Variants in ATP4A observed in about 807,000 individuals in gnomAD.
ATP4A encodes potassium-transporting ATPase alpha chain 1.
ATP4A carries 73 observed loss-of-function variants against 112.1 expected under a neutral mutation model. That is an observed-to-expected ratio of 0.65 (90% confidence interval 0.54 to 0.79). ATP4A has a LOEUF of 0.79. ATP4A is among the 30% of genes least tolerant of loss of function. The pLI is 0.00. For synonymous variants in ATP4A, 588 were observed against 588.9 expected (o/e 1.00, Z 0.02); for missense variants, 1,081 against 1,425.9 (o/e 0.76, Z 3.90).
intron 12 of ATP4A, among the ~76,000 whole-genome samples, chr19:35,556,334 G>A (rs943045048): frequency 2.4e-4 from 37 of 152,182 alleles, no homozygotes; most frequent in African/African-American, 7.5e-4. Flanking sequence ...AACAAGGCCC[G>A]ATGTAACAGG....
Position 35,558,634 on chromosome 19 carries a change from G to A in ATP4A, c.1308C>T (p.Leu436=), listed in dbSNP as rs747258565. ...TGAAGGCGGCGCGGTTGCACAGGGT[G>A]AGCACCCGGCACAGCGCCCGCCACG... ...SETWRALCRV[L]TLCNRAAFKS... is the part of the protein sequence containing the mutation. Residue 436 remains leucine, a synonymous_variant, in exon 9 of 22, where the codon CTC becomes CTT. Transcript: ENST00000262623. The surrounding 1 kb of genome is among the most constrained non-coding windows in gnomAD (Gnocchi z 5.1). 2 of 1,598,746 alleles carry A rather than the reference G, an allele frequency of 1.3e-6. No homozygotes were observed. Among genetic ancestry groups the A allele is most frequent in the South Asian group, 1.1e-5 (1 of 88,410 alleles).
intron 17 of ATP4A, among the ~76,000 whole-genome samples, 155 bp from the exon 18 acceptor site, chr19:35,553,337 A>C (rs941498249): frequency 6.6e-6 from 1 of 152,064 alleles, no homozygotes. Flanking sequence ...CAGATACACA[A>C]GGTCAAGGAC....
rs751353823 is a variant in ATP4A at position 35,559,186 on chromosome 19, G to A, written c.1062C>T (p.Cys354=). The A allele has an allele frequency of 9.3e-6, 15 of 1,613,840 alleles. No individual in the cohort carries two copies. Among genetic ancestry groups the A allele is most frequent in the South Asian group, 3.3e-5 (3 of 91,080 alleles). ...PEGLLATVTV[C]LSLTAKRLAS... ...CCAGGCGCTTGGCTGTCAGGGACAG[G>A]CAGACCTGGGGAAGGGGTGAGCACC... The change falls in exon 8 of 22, where the codon TGC becomes TGT. Residue 354 remains cysteine, a synonymous_variant. Transcript: ENST00000262623. This position sits in a 1 kb window ranked among gnomAD's most constrained non-coding sequence, Gnocchi z 4.1.
In ATP4A at chr19:35,560,658, G is replaced by T; in HGVS notation, c.535-43C>A. ...CAAAGTTGAGGTGGACGGGGGTGGG[G>T]GTGGGAGCTGCTGCATGTGGGGAGG... On this transcript the variant is annotated intron_variant, in intron 5 of 21. Transcript: ENST00000262623. The surrounding 1 kb of genome is among the most constrained non-coding windows in gnomAD (Gnocchi z 5.1). The T allele has an allele frequency of 2.6e-6, 4 of 1,560,482 alleles. No individual in the cohort carries two copies. Among genetic ancestry groups the T allele is most frequent in the South Asian group, 1.1e-5 (1 of 88,468 alleles).
intron 17 of ATP4A, 38 bp downstream of exon 17, chr19:35,553,667 GC>G (rs750451306): frequency 6.2e-7 from 1 of 1,608,688 alleles, no homozygotes; most frequent in Non-Finnish European, 8.5e-7. Context: ...CCAGCGCAGA[GC>G]CCCCCACCTC....
chr19:35,553,989 C>T (rs1486705975), intron 16 of ATP4A, 160 bp from the exon 17 acceptor site: 2 of 999,868 alleles, frequency 2.0e-6, no homozygotes, highest in Non-Finnish European at 2.8e-6. Flanking sequence ...ACAGCCTGGG[C>T]CCCACTGGCC....
At position 35,553,152 on chromosome 19, in the gene ATP4A, T is replaced by G; in HGVS notation, c.2636A>C (p.Asp879Ala). The G allele has an allele frequency of 3.7e-6, 6 of 1,604,532 alleles. No individual in the cohort carries two copies. The highest frequency in any genetic ancestry group is 5.1e-6 in the Non-Finnish European group (6 of 1,172,280). ...GAIQSFAGFT[D>A]YFTAMAQEGW... Reference sequence around the variant, plus strand: ...CTCCTGGGCCATTGCCGTGAAGTAGTCAGTGAAGCCAGCAAAGGACTGAAT... The same window carrying G: ...CTCCTGGGCCATTGCCGTGAAGTAGGCAGTGAAGCCAGCAAAGGACTGAAT... Residue 879 changes from aspartate (D) to alanine (A), a missense_variant, in exon 18 of 22, where the codon GAC becomes GCC. Transcript: ENST00000262623.
Position 35,550,423 on chromosome 19 carries a change from C to G in ATP4A, c.*192G>C. On this transcript the variant is annotated 3_prime_UTR_variant, in exon 22 of 22. Coordinates refer to ENST00000262623, the MANE Select transcript of ATP4A (RefSeq NM_000704.3). This position sits in a 1 kb window ranked among gnomAD's most constrained non-coding sequence, Gnocchi z 4.1. The stretch of plus-strand genomic sequence containing the variant: ...CCAGGCGCTGCTGCTCCAGGAGGTG[C>G]GAACCTTGGGAATGGGGGAGGGGAG... 1.4e-6 allele frequency: 1 copy of G among 715,136 alleles called. No homozygotes were observed. The highest frequency in any genetic ancestry group is 1.8e-5 in the South Asian group (1 of 54,392). The allele number at this position is 715,136 out of a possible 1,614,324, so 44.3% of individuals were successfully genotyped here.
In ATP4A at chr19:35,553,591, C is replaced by G. The variant is rs149013321; in HGVS notation, c.2605+115G>C. The stretch of plus-strand genomic sequence containing the variant: ...ACGGAGGACAACGGAGACCCAGGAC[C>G]AAATGCAGACACTGAGGTCCAGAAC... On this transcript the variant is annotated intron_variant, in intron 17 of 21. Coordinates refer to ENST00000262623, the MANE Select transcript of ATP4A (RefSeq NM_000704.3). 4,886 of 1,449,100 alleles carry G rather than the reference C, an allele frequency of 3.4e-3. 15 individuals carry two copies. Among genetic ancestry groups the G allele is most frequent in the Non-Finnish European group, 4.2e-3 (4,563 of 1,084,782 alleles). 89.8% of individuals were successfully genotyped at this position (1,449,100 alleles called of 1,614,324 possible).
chr19:35,558,771 G>T lies in ATP4A; in HGVS notation c.1256-85C>A. ...CCCCCTCCTCCTAGGCTCATATCGC[G>T]GGCCCCCTCCCCAGACCTGGGTGGA... is the stretch of plus-strand genomic sequence containing the variant. On this transcript the variant is annotated intron_variant, in intron 8 of 21. Transcript: ENST00000262623. The surrounding 1 kb of genome is among the most constrained non-coding windows in gnomAD (Gnocchi z 5.1). 2.1e-6 allele frequency: 3 copies of T among 1,409,532 alleles called. No individual in the cohort carries two copies. Among genetic ancestry groups the T allele is most frequent in the Non-Finnish European group, 1.9e-6 (2 of 1,054,040 alleles). The allele number at this position is 1,409,532 out of a possible 1,614,324, so 87.3% of individuals were successfully genotyped here. A position where few individuals can be genotyped will look rare whatever the true frequency, so the allele number is the denominator to read the frequency against.
At position 35,553,833 on chromosome 19, in the gene ATP4A, G is replaced by A. The variant is rs1175736599; in HGVS notation, c.2482-4C>T. 2.6e-6 allele frequency: 4 copies of A among 1,566,318 alleles called. No homozygotes were observed. The East Asian group carries it at 9.4e-5, about 37-fold the overall frequency. Reference sequence around the variant, plus strand: ...ATGCCAGGGACACAGATGGGAACTGGCCAGGAGTGGAAGGAACTGGGACTG... The same window carrying A: ...ATGCCAGGGACACAGATGGGAACTGACCAGGAGTGGAAGGAACTGGGACTG... On this transcript the variant is annotated splice_region_variant and splice_polypyrimidine_tract_variant and intron_variant, in intron 16 of 21. Coordinates refer to ENST00000262623, the MANE Select transcript of ATP4A (RefSeq NM_000704.3).
At position 35,560,490 on chromosome 19, in the gene ATP4A, C is replaced by T. The variant is rs147803462; in HGVS notation, c.660G>A (p.Gln220=). The T allele has an allele frequency of 6.2e-6, 10 of 1,613,658 alleles. No individual in the cohort carries two copies. Among genetic ancestry groups the T allele is most frequent in the Non-Finnish European group, 8.5e-6 (10 of 1,180,014 alleles). The part of the protein sequence containing the change: ...VPADIRILAA[Q]GCKVDNSSLT... ...GCGAGGAGTTGTCCACCTTGCAGCCCTGGGCCGCCAGGATGCGGATGTCGG... is the reference window on the plus strand; with the variant it reads ...GCGAGGAGTTGTCCACCTTGCAGCCTTGGGCCGCCAGGATGCGGATGTCGG... The change falls in exon 6 of 22, where the codon CAG becomes CAA. Residue 220 remains glutamine (Q), a synonymous_variant. Coordinates refer to ENST00000262623, the MANE Select transcript of ATP4A (RefSeq NM_000704.3). This position sits in a 1 kb window ranked among gnomAD's most constrained non-coding sequence, Gnocchi z 5.1.
Position 35,560,932 on chromosome 19 carries a change from G to C in ATP4A, c.421C>G (p.Leu141Val), listed in dbSNP as rs752799079. The change falls in exon 5 of 22, where the codon CTG becomes GTG. Residue 141 changes from leucine (L) to valine (V), a missense_variant and splice_region_variant. Around this residue, in one of 3 missense-constraint regions of ATP4A, gnomAD observed 850 missense variants for 1,068.2 expected, o/e 0.80. Transcript: ENST00000262623. The surrounding 1 kb of genome is among the most constrained non-coding windows in gnomAD (Gnocchi z 5.1). ...GCAATGAGAGCGATTGCCAGGTACA[G>C]CTGGGGACAGGGAAGGGGTGGGGTT... Reference protein sequence around the residue: ...SEGDLTTDDNLYLAIALIAVV... With the variant: ...SEGDLTTDDNVYLAIALIAVV... 5 of 1,613,590 alleles carry C rather than the reference G, an allele frequency of 3.1e-6. No individual in the cohort carries two copies. The African/African-American group carries it at 5.3e-5, about 17-fold the overall frequency.
chr19:35,563,279 G>A lies in ATP4A; in HGVS notation c.157-11C>T, dbSNP rs775748882. ...CAGCTGGTGGTCGTTCTGTGTGGTG[G>A]GGTGGGGCAGGGTGCTTGCTCTGGG... On this transcript the variant is annotated splice_polypyrimidine_tract_variant and intron_variant, in intron 2 of 21. Transcript: ENST00000262623. 1 of 1,613,974 alleles carries A rather than the reference G, an allele frequency of 6.2e-7. No individual in the cohort carries two copies. The highest frequency in any genetic ancestry group is 1.1e-5 in the South Asian group (1 of 91,074).
chr19:35,560,589 G>C lies in ATP4A; in HGVS notation c.561C>G (p.Asp187Glu). 1 of 1,611,536 alleles carries C rather than the reference G, an allele frequency of 6.2e-7. No individual in the cohort carries two copies. ...GTTGGTCAGCGTTGATCTGGAATTT[G>C]TCTCCATCGCGGATGACAGTGGCTT... ...PQQATVIRDG[D>E]KFQINADQLV... is the part of the protein sequence containing the mutation. The change falls in exon 6 of 22, where the codon GAC (aspartate) becomes GAG (glutamate). Residue 187 changes from aspartate (D) to glutamate (E), a missense_variant. Physicochemically the swap from Asp to Glu is conservative, Grantham distance 45. Around this residue, in one of 3 missense-constraint regions of ATP4A, gnomAD observed 850 missense variants for 1,068.2 expected, o/e 0.80. Transcript: ENST00000262623. This position sits in a 1 kb window ranked among gnomAD's most constrained non-coding sequence, Gnocchi z 5.1.
In ATP4A at chr19:35,560,922, G is replaced by A; in HGVS notation, c.431C>T (p.Ala144Val). Residue 144 changes from alanine (A) to valine (V), a missense_variant, in exon 5 of 22, where the codon GCA (alanine) becomes GTA (valine). Physicochemically the swap from Ala to Val is moderately conservative, Grantham distance 64. Coordinates refer to ENST00000262623, the MANE Select transcript of ATP4A (RefSeq NM_000704.3). The surrounding 1 kb of genome is among the most constrained non-coding windows in gnomAD (Gnocchi z 5.1). Reference sequence around the variant, plus strand: ...GACAACCACAGCAATGAGAGCGATTGCCAGGTACAGCTGGGGACAGGGAAG... The same window carrying A: ...GACAACCACAGCAATGAGAGCGATTACCAGGTACAGCTGGGGACAGGGAAG... ...DLTTDDNLYL[A>V]IALIAVVVVT... 1 of 1,613,942 alleles carries A rather than the reference G, an allele frequency of 6.2e-7. No individual in the cohort carries two copies. Among genetic ancestry groups the A allele is most frequent in the Non-Finnish European group, 8.5e-7 (1 of 1,179,910 alleles).
Position 35,558,541 on chromosome 19 carries a change from C to A in ATP4A, c.1365+36G>T. ...TCAGGGGCGAAGCCGGCTACACCAG[C>A]CTCCCGGGATTCCCTGGAGGCCCCC... is the stretch of plus-strand genomic sequence containing the variant. On this transcript the variant is annotated intron_variant, in intron 9 of 21. Coordinates refer to ENST00000262623, the MANE Select transcript of ATP4A (RefSeq NM_000704.3). The surrounding 1 kb of genome is among the most constrained non-coding windows in gnomAD (Gnocchi z 5.1). The A allele has an allele frequency of 6.3e-7, 1 of 1,590,418 alleles. No individual in the cohort carries two copies. The highest frequency in any genetic ancestry group is 1.1e-5 in the South Asian group (1 of 87,468).
At chr19:35,552,950 C>T (rs913732216) in intron 18 of ATP4A, 87 bp downstream of exon 18, 19 of 1,474,696 alleles carry the variant, frequency 1.3e-5, no homozygotes, top group African/African-American at 2.8e-5. Flanking sequence ...CTCAGTCACA[C>T]GTGGAGGAAC....
intron 16 of ATP4A, 110 bp from the exon 17 acceptor site, chr19:35,553,939 A>C (rs1313313170): frequency 6.9e-7 from 1 of 1,439,808 alleles, no homozygotes; most frequent in Non-Finnish European, 9.2e-7. Flanking sequence ...TGAGGTTAGC[A>C]GGCAGGACCT....
Sources: gnomAD v4.1 joint callset for allele counts (sites outside exome capture counted in the v4.1 genomes callset) on GRCh38, gnomAD v4.1.1 for gene constraint, gnomAD v4.1.1 regional missense constraint, Gnocchi (gnomAD v3.1) non-coding constraint, MANE v1.5 for transcripts, NCBI Gene and HGNC (gene_info 2026-07-23, HGNC 2026-07-21) for gene names.